Variants in BCAS1 observed in about 807,000 individuals in gnomAD.
The protein encoded by BCAS1 is brain enriched myelin associated protein 1, also known as breast carcinoma-amplified sequence 1.
Under a neutral mutation model 65.4 loss-of-function variants are expected in BCAS1, and 46 were observed. That is an observed-to-expected ratio of 0.70 (90% confidence interval 0.55 to 0.90). The LOEUF is 0.90. BCAS1 is among the 40% of genes least tolerant of loss of function. The probability of loss-of-function intolerance (pLI) is 0.00; values close to 1 mark genes in which losing one functional copy is unlikely to be tolerated. For synonymous variants in BCAS1, 298 were observed against 293.5 expected, an observed-to-expected ratio of 1.02 and a Z score of -0.16; for missense variants, 793 against 771.2, an observed-to-expected ratio of 1.03 and a Z score of -0.33.
chr20:54,068,915 C>T (rs1396560993), intron 1 of BCAS1, among the ~76,000 whole-genome samples: 1 of 152,134 alleles, frequency 6.6e-6, no homozygotes, highest in African/African-American at 2.4e-5. Context: ...TCTCCCTCCA[C>T]ATCTCTTGTC....
At chr20:54,001,021 G>T (rs1164052532) in intron 4 of BCAS1, among the ~76,000 whole-genome samples, 1 of 152,018 alleles carries the variant, frequency 6.6e-6, no homozygotes, top group Non-Finnish European at 1.5e-5. Flanking sequence ...ATTTTTGTTT[G>T]CATGTCAGAC....
intron 9 of BCAS1, among the ~76,000 whole-genome samples, chr20:53,969,768 T>C (rs1037063087): frequency 6.6e-6 from 1 of 152,140 alleles, no homozygotes; most frequent in African/African-American, 2.4e-5. Flanking sequence ...ATTCCAGATA[T>C]CACATCCTCA....
chr20:54,034,834 C>T (rs1453802408), intron 3 of BCAS1, among the ~76,000 whole-genome samples: 3 of 151,190 alleles, frequency 2.0e-5, no homozygotes, highest in Non-Finnish European at 4.4e-5. Context: ...TAAGGCAATC[C>T]TAAGCAAAAA....
intron 3 of BCAS1, among the ~76,000 whole-genome samples, chr20:54,047,208 G>A (rs1259931800): frequency 6.6e-6 from 1 of 152,098 alleles, no homozygotes; most frequent in Non-Finnish European, 1.5e-5. Context: ...TTCTGATATT[G>A]TGTCTAGCCT....
intron 4 of BCAS1, among the ~76,000 whole-genome samples, chr20:54,013,366 T>C (rs1258842096): frequency 6.6e-6 from 1 of 152,192 alleles, no homozygotes; most frequent in Non-Finnish European, 1.5e-5. Context: ...GGCTTTTGTG[T>C]GTATGACTAG....
intron 4 of BCAS1, among the ~76,000 whole-genome samples, chr20:54,007,919 C>T (rs562030667): frequency 3.5e-4 from 54 of 152,268 alleles, no homozygotes; most frequent in East Asian, 5.8e-4. Flanking sequence ...AGGAAAAACA[C>T]GATGGTGAAT....
chr20:54,060,802 C>T (rs1434110652), intron 1 of BCAS1, among the ~76,000 whole-genome samples: 4 of 152,146 alleles, frequency 2.6e-5, no homozygotes, highest in East Asian at 1.9e-4. Context: ...AGCACCCTGA[C>T]GTCAAAGGCA....
chr20:53,988,495 A>G (rs1158527810), intron 7 of BCAS1, among the ~76,000 whole-genome samples: 1 of 152,222 alleles, frequency 6.6e-6, no homozygotes, highest in Non-Finnish European at 1.5e-5. Flanking sequence ...TCCTATGACG[A>G]ACGATTATTT....
intron 4 of BCAS1, among the ~76,000 whole-genome samples, chr20:53,999,883 C>A (rs1029853194): frequency 6.6e-6 from 1 of 152,076 alleles, no homozygotes; most frequent in South Asian, 2.1e-4. Context: ...GTGTGTGCCA[C>A]CATGCCTGTC....
chr20:54,010,501 C>T (rs6022916), intron 4 of BCAS1, among the ~76,000 whole-genome samples: 3 of 151,840 alleles, frequency 2.0e-5, no homozygotes, highest in Admixed American at 6.6e-5. Context: ...AATAATCATA[C>T]GAAAATGAAA....
intron 8 of BCAS1, among the ~76,000 whole-genome samples, chr20:53,983,480 A>G (rs2090533786): frequency 6.6e-6 from 1 of 152,222 alleles, no homozygotes; most frequent in African/African-American, 2.4e-5. Flanking sequence ...TCTGATTTCA[A>G]ACTTTTAGCT....
intron 9 of BCAS1, among the ~76,000 whole-genome samples, chr20:53,969,373 A>G (rs544037463): frequency 6.6e-6 from 1 of 152,306 alleles, no homozygotes; most frequent in Non-Finnish European, 1.5e-5. Flanking sequence ...AGAGATGATT[A>G]TATTAATAGC....
intron 12 of BCAS1, among the ~76,000 whole-genome samples, chr20:53,952,405 T>C (rs1020161221): frequency 2.0e-5 from 3 of 152,202 alleles, no homozygotes; most frequent in African/African-American, 7.2e-5. Context: ...TCCCCACCAG[T>C]CTGCCTAAAA....
rs2089249293 is a variant in BCAS1, at chr20:53,944,611, C to T, written c.*311G>A. On this transcript the variant is annotated 3_prime_UTR_variant, in exon 13 of 13. Coordinates refer to ENST00000688948, the MANE Select transcript of BCAS1 (RefSeq NM_001366298.2). The stretch of plus-strand genomic sequence containing the variant: ...GGCGAGAGCCACCACGCCCGGCCAC[C>T]ACTGCCATTTTCATCACTTAACCCG... 3 of 288,222 alleles carry T rather than the reference C, an allele frequency of 1.0e-5. No homozygotes were observed. Among genetic ancestry groups the T allele is most frequent in the Non-Finnish European group, 1.4e-5 (2 of 147,746 alleles). The allele number at this position is 288,222 out of a possible 1,614,324, so 17.9% of individuals were successfully genotyped here.
At chr20:53,975,903 C>A (rs1007753382) in intron 8 of BCAS1, among the ~76,000 whole-genome samples, 10 of 152,150 alleles carry the variant, frequency 6.6e-5, no homozygotes, top group African/African-American at 2.4e-5. Flanking sequence ...CTTTATAATA[C>A]AATAGGCAGG....
At chr20:54,027,613 A>G (rs553745511) in intron 4 of BCAS1, among the ~76,000 whole-genome samples, 1 of 152,318 alleles carries the variant, frequency 6.6e-6, no homozygotes, top group East Asian at 1.9e-4. Context: ...CCTATAATGT[A>G]TCAAGTTTTA....
chr20:53,964,744 G>T (rs538872542), intron 10 of BCAS1, among the ~76,000 whole-genome samples: 1 of 151,790 alleles, frequency 6.6e-6, no homozygotes, highest in South Asian at 2.1e-4. Context: ...AGTAATATGA[G>T]ACCTCATTAG....
At chr20:54,032,274 C>CA (rs546835015) in intron 3 of BCAS1, among the ~76,000 whole-genome samples, 18 of 151,334 alleles carry the variant, frequency 1.2e-4, no homozygotes, top group African/African-American at 3.6e-4. Context: ...TTCAGACAAG[C>CA]AAATGCTAAG....
intron 4 of BCAS1, among the ~76,000 whole-genome samples, chr20:54,006,493 C>T (rs1222194765): frequency 3.3e-5 from 5 of 152,038 alleles, no homozygotes; most frequent in South Asian, 2.1e-4. Flanking sequence ...GCAGATCACC[C>T]GAGGTCAGGT....
Sources: gnomAD v4.1 joint callset for allele counts (sites outside exome capture counted in the v4.1 genomes callset) on GRCh38, gnomAD v4.1.1 for gene constraint, MANE v1.5 for transcripts, NCBI Gene and HGNC (gene_info 2026-07-23, HGNC 2026-07-21) for gene names.